The following YES1 variants were observed in gnomAD, a reference collection of about 807,000 sequenced individuals.
YES1 encodes the protein tyrosine-protein kinase Yes.
YES1 carries 39 observed loss-of-function variants against 70.4 expected under a neutral mutation model. The observed-to-expected ratio is 0.55, with a 90% CI of 0.43 to 0.72. The LOEUF (loss-of-function observed/expected upper bound fraction) is 0.72. YES1 is among the 30% of genes least tolerant of loss of function. The pLI, the probability that YES1 is intolerant of heterozygous loss-of-function variation, is 0.00. For synonymous variants in YES1, 198 were observed against 218.6 expected (o/e 0.91, Z 0.83); for missense variants, 495 against 644.8 (o/e 0.77, Z 2.52).
intron 1 of YES1, among the ~76,000 whole-genome samples, chr18:776,071 T>C (rs745416021): frequency 6.6e-6 from 1 of 152,208 alleles, no homozygotes; most frequent in African/African-American, 2.4e-5. Flanking sequence ...AACCTTGCAA[T>C]AGATTGCTGG....
At chr18:763,848 G>A (rs892069587) in intron 1 of YES1, among the ~76,000 whole-genome samples, 19 of 151,996 alleles carry the variant, frequency 1.3e-4, no homozygotes, top group South Asian at 2.1e-4. Flanking sequence ...GAGGCCAGGC[G>A]CAGTGGCTCA....
At chr18:771,040 G>C (rs894815959) in intron 1 of YES1, among the ~76,000 whole-genome samples, 2 of 151,586 alleles carry the variant, frequency 1.3e-5, no homozygotes, top group Non-Finnish European at 2.9e-5. Context: ...TTAAAACCTA[G>C]AAAAACATTT....
chr18:741,021 C>CCGCT (rs2080211336), intron 8 of YES1, among the ~76,000 whole-genome samples: 1 of 152,146 alleles, frequency 6.6e-6, no homozygotes, highest in Non-Finnish European at 1.5e-5. Flanking sequence ...CCTCAGCCTC[C>CCGCT]CGAGCAGCTG....
intron 1 of YES1, among the ~76,000 whole-genome samples, chr18:771,522 C>T (rs1208169371): frequency 6.6e-6 from 1 of 152,154 alleles, no homozygotes; most frequent in East Asian, 1.9e-4. Context: ...TGTTAAACCA[C>T]TCCGTGGCAT....
intron 1 of YES1, among the ~76,000 whole-genome samples, chr18:778,163 T>C (rs182868365): frequency 6.6e-6 from 1 of 152,356 alleles, no homozygotes; most frequent in East Asian, 1.9e-4. Flanking sequence ...GGTTATTACA[T>C]GCCTTGCTCA....
intron 1 of YES1, among the ~76,000 whole-genome samples, chr18:759,851 C>A (rs569608492): frequency 1.3e-5 from 2 of 149,386 alleles, no homozygotes; most frequent in South Asian, 4.4e-4. Flanking sequence ...TAATGCTATC[C>A]TTCCCCCCTC....
In YES1 at chr18:807,794, C is replaced by A. The variant is rs541620048; in HGVS notation, c.-9+4320G>T. Among the ~76,000 whole-genome samples, 282 of 152,260 alleles carry A rather than the reference C, an allele frequency of 1.9e-3. 2 individuals carry two copies. Among genetic ancestry groups the A allele is most frequent in the Middle Eastern group, 6.8e-3 (2 of 294 alleles). ...TTCTAGAAGTTATCCCTCTTGAAGG[C>A]CTTCCACTTCCTAGGAGAAAGTAGA... On this transcript the variant is annotated intron_variant, in intron 1 of 11. Transcript: ENST00000314574.
chr18:757,513 A>C (rs1904353067), intron 1 of YES1, among the ~76,000 whole-genome samples: 1 of 147,640 alleles, frequency 6.8e-6, no homozygotes, highest in South Asian at 2.2e-4. Flanking sequence ...AAAAAAAAAA[A>C]AAAAAGAAAG....
At chr18:796,891 CAGT>C (rs1906572202) in intron 1 of YES1, among the ~76,000 whole-genome samples, 1 of 152,150 alleles carries the variant, frequency 6.6e-6, no homozygotes, top group Admixed American at 6.5e-5. Flanking sequence ...TAATAACTAG[CAGT>C]AGTGAGGTAT....
At chr18:780,586 T>C (rs1905609892) in intron 1 of YES1, among the ~76,000 whole-genome samples, 1 of 152,136 alleles carries the variant, frequency 6.6e-6, no homozygotes, top group Non-Finnish European at 1.5e-5. Flanking sequence ...ATAAATTCCT[T>C]TTCTTTATAA....
intron 1 of YES1, among the ~76,000 whole-genome samples, chr18:790,202 C>G (rs1196809327): frequency 6.6e-6 from 1 of 152,098 alleles, no homozygotes; most frequent in Non-Finnish European, 1.5e-5. Flanking sequence ...ATGGTGAAAT[C>G]CTGTCTCTAC....
intron 1 of YES1, among the ~76,000 whole-genome samples, chr18:760,916 CTT>C (rs1450443927): frequency 6.6e-6 from 1 of 152,116 alleles, no homozygotes; most frequent in African/African-American, 2.4e-5. Flanking sequence ...GGTTGACACT[CTT>C]AATACAGACA....
In YES1 at chr18:722,407, T is replaced by C. The variant is rs1461435231; in HGVS notation, c.*2017A>G. ...GGTTTGAATTTGAACATATATGCCA[T>C]GGCACAGAATTTCGAATCTGATGAT... is the stretch of plus-strand genomic sequence containing the variant. On this transcript the variant is annotated 3_prime_UTR_variant, in exon 12 of 12. Coordinates refer to ENST00000314574, the MANE Select transcript of YES1 (RefSeq NM_005433.4). 6.6e-6 allele frequency: 1 copy of C among 152,618 alleles called. No homozygotes were observed. The highest frequency in any genetic ancestry group is 1.5e-5 in the Non-Finnish European group (1 of 68,032). The allele number at this position is 152,618 out of a possible 1,614,324, so 9.5% of individuals were successfully genotyped here.
chr18:723,132 G>A lies in YES1; in HGVS notation c.*1292C>T, dbSNP rs1235319046. 1 of 152,208 alleles carries A rather than the reference G, an allele frequency of 6.6e-6. No homozygotes were observed. Among genetic ancestry groups the A allele is most frequent in the Admixed American group, 6.5e-5 (1 of 15,276 alleles). 9.4% of individuals were successfully genotyped at this position (152,208 alleles called of 1,614,324 possible). Reference sequence around the variant, plus strand: ...AAAAAGTGAATGTAGATTCAAACATGATTTGAAAACTGGAGTTCTAAAAAT... The same window carrying A: ...AAAAAGTGAATGTAGATTCAAACATAATTTGAAAACTGGAGTTCTAAAAAT... On this transcript the variant is annotated 3_prime_UTR_variant, in exon 12 of 12. Transcript: ENST00000314574.
chr18:802,202 T>A (rs1004682873), intron 1 of YES1, among the ~76,000 whole-genome samples: 2 of 152,146 alleles, frequency 1.3e-5, no homozygotes, highest in South Asian at 4.1e-4. Flanking sequence ...TGAGCTATGA[T>A]CATGCCACTG....
At chr18:796,389 C>T (rs1296564756) in intron 1 of YES1, among the ~76,000 whole-genome samples, 1 of 152,200 alleles carries the variant, frequency 6.6e-6, no homozygotes, top group Non-Finnish European at 1.5e-5. Context: ...TATACAGGGA[C>T]TGTCACACAG....
At chr18:730,343 ATTTTT>A (rs59787531) in intron 11 of YES1, among the ~76,000 whole-genome samples, 2 of 132,286 alleles carry the variant, frequency 1.5e-5, no homozygotes, top group African/African-American at 5.6e-5. Flanking sequence ...ACCCAAGAGG[ATTTTT>A]TTTTTTTTTT....
rs1294479277 is a variant in YES1, at chr18:764,981, G to A, written c.-8-8146C>T. On this transcript the variant is annotated intron_variant, in intron 1 of 11. Transcript: ENST00000314574. ...AAACTCCTGACCTTGTGATCCGTCC[G>A]CCTTAGCCTCCCAAAGGGCTGAGAT... 6.6e-5 allele frequency among the ~76,000 whole-genome samples: 10 copies of A among 151,704 alleles called. No homozygotes were observed. In the East Asian group the frequency reaches 7.9e-4, roughly 12 times the overall value.
intron 11 of YES1, among the ~76,000 whole-genome samples, chr18:731,834 G>A (rs180686140): frequency 6.6e-6 from 1 of 152,048 alleles, no homozygotes; most frequent in African/African-American, 2.4e-5. Context: ...GGGCGTGGTG[G>A]CGGGTGCCTA....
Sources: allele counts gnomAD v4.1 joint callset (sites outside exome capture counted in the v4.1 genomes callset), GRCh38; gene constraint gnomAD v4.1.1; transcripts MANE v1.5; gene names NCBI Gene and HGNC (gene_info 2026-07-23, HGNC 2026-07-21).